The following CYP2A7 variants were observed in gnomAD, a reference collection of about 807,000 sequenced individuals.
CYP2A7 encodes the protein cytochrome P450 family 2 subfamily A member 7.
A neutral mutation model predicts 42.0 loss-of-function variants in CYP2A7; 36 were observed. That is an observed-to-expected ratio of 0.86 (90% confidence interval 0.66 to 1.13). CYP2A7 has a LOEUF of 1.13. Among genes scored for constraint, CYP2A7 ranks in the 50% most tolerant of loss-of-function variants. The probability of loss-of-function intolerance (pLI) is 0.00; values close to 1 mark genes in which losing one functional copy is unlikely to be tolerated. For missense variants in CYP2A7, 661 were observed against 634.1 expected, an observed-to-expected ratio of 1.04 and a Z score of -0.46; for synonymous variants, 260 against 249.5, an observed-to-expected ratio of 1.04 and a Z score of -0.40.
chr19:40,877,647 T>A (rs1967567937), intron 6 of CYP2A7, among the ~76,000 whole-genome samples: 1 of 151,408 alleles, frequency 6.6e-6, no homozygotes, highest in African/African-American at 2.4e-5. Flanking sequence ...GGGACAGAAG[T>A]GACTGACCAA....
Position 40,876,642 on chromosome 19 carries a change from G to T in CYP2A7, c.1188C>A (p.Gly396=), listed in dbSNP as rs772953058. The part of the protein sequence containing the change: ...PKGTEVFPML[G]SVLRDPSFFS... ...AGAAGCTGGGGTCTCTCAGCACGGA[G>T]CCCAGCATAGGGAACACTTCGGTGC... Residue 396 remains glycine, a synonymous_variant, in exon 8 of 9, where the codon GGC becomes GGA. Coordinates refer to ENST00000301146, the MANE Select transcript of CYP2A7 (RefSeq NM_000764.3). 6.2e-7 allele frequency: 1 copy of T among 1,612,738 alleles called. No homozygotes were observed. Among genetic ancestry groups the T allele is most frequent in the African/African-American group, 1.3e-5 (1 of 74,862 alleles).
At chr19:40,879,586 C>A (rs1967608665) in intron 4 of CYP2A7, among the ~76,000 whole-genome samples, 3 of 151,640 alleles carry the variant, frequency 2.0e-5, no homozygotes, top group Non-Finnish European at 2.9e-5. Flanking sequence ...GTTAGGGCAG[C>A]TGTCCATGTT....
chr19:40,879,906 A>G (rs1967614372), intron 4 of CYP2A7, among the ~76,000 whole-genome samples, 178 bp downstream of exon 4: 1 of 151,100 alleles, frequency 6.6e-6, no homozygotes. Flanking sequence ...CTGTTGAGCT[A>G]TCCAGGTGTC....
In CYP2A7 at chr19:40,880,126, C is replaced by G. The variant is rs1052619045; in HGVS notation, c.612G>C (p.Met204Ile). 1 of 1,612,920 alleles carries G rather than the reference C, an allele frequency of 6.2e-7. No homozygotes were observed. Among genetic ancestry groups the G allele is most frequent in the South Asian group, 1.1e-5 (1 of 91,028 alleles). ...EDKEFLSLLSMMLGIFQFTST... is the reference protein window; with the variant it reads ...EDKEFLSLLSIMLGIFQFTST... ...ACGTGAACTGGAAGATTCCTAGCATCATGCTCAGCAGTGACAGGAACTCTT... is the reference window on the plus strand; with the variant it reads ...ACGTGAACTGGAAGATTCCTAGCATGATGCTCAGCAGTGACAGGAACTCTT... Residue 204 changes from methionine (M) to isoleucine (I), a missense_variant, in exon 4 of 9, where the codon ATG becomes ATC. Met to Ile is a conservative substitution (Grantham distance 10). Coordinates refer to ENST00000301146, the MANE Select transcript of CYP2A7 (RefSeq NM_000764.3).
At chr19:40,877,529 G>A (rs951200810) in intron 6 of CYP2A7, 152 bp from the exon 7 acceptor site, 1 of 1,248,958 alleles carries the variant, frequency 8.0e-7, no homozygotes, top group African/African-American at 1.5e-5. Context: ...CATTCGCATT[G>A]TTGGAGTAGG....
intron 4 of CYP2A7, among the ~76,000 whole-genome samples, chr19:40,879,448 G>T (rs1325437187): frequency 6.6e-6 from 1 of 151,758 alleles, no homozygotes; most frequent in East Asian, 1.9e-4. Context: ...ACCTGTTGAG[G>T]TGTTTACCTA....
chr19:40,880,837 G>A, intron 2 of CYP2A7, among the ~76,000 whole-genome samples: 1 of 103,496 alleles, frequency 9.7e-6, no homozygotes, highest in Non-Finnish European at 2.2e-5. Context: ...GAGAGAGAGA[G>A]AGAGAGAGAG....
intron 4 of CYP2A7, 113 bp downstream of exon 4, chr19:40,879,971 T>A (rs1434694625): frequency 6.5e-7 from 1 of 1,527,542 alleles, no homozygotes; most frequent in East Asian, 2.3e-5. Flanking sequence ...GGGGGCTGAT[T>A]TTGAGGGGAC....
intron 5 of CYP2A7, 39 bp downstream of exon 5, chr19:40,878,721 C>T: frequency 6.2e-7 from 1 of 1,603,464 alleles, no homozygotes. Flanking sequence ...TTCCCTCTGC[C>T]TGGCTTTGCA....
rs534988246 is a variant in CYP2A7, at chr19:40,881,703, G to C, written c.229C>G (p.Arg77Gly). ...PVFTIHLGPR[R>G]VVVLCGHDAV... ...TCATGTCCACACAGCACCACGACCCGCCGGGGCCCCAAGTGAATGGTGAAC... is the reference window on the plus strand; with the variant it reads ...TCATGTCCACACAGCACCACGACCCCCCGGGGCCCCAAGTGAATGGTGAAC... Residue 77 changes from arginine (R) to glycine (G), a missense_variant, in exon 2 of 9, where the codon CGG becomes GGG. Arg to Gly is a moderately radical substitution (Grantham distance 125). Around this residue, in one of 3 missense-constraint regions of CYP2A7, gnomAD observed 614 missense variants for 552.4 expected, o/e 1.11. Transcript: ENST00000301146. The C allele has an allele frequency of 5.0e-6, 8 of 1,612,206 alleles. No individual in the cohort carries two copies. Among genetic ancestry groups the C allele is most frequent in the Non-Finnish European group, 6.8e-6 (8 of 1,178,954 alleles).
chr19:40,880,250 G>T lies in CYP2A7; in HGVS notation c.494-6C>A, dbSNP rs1234047631. ...GGTGGGATCGATATTGGCGCCTGCG[G>T]GTGTGGAGGGAGAAGGGGGTTGGGG... On this transcript the variant is annotated splice_polypyrimidine_tract_variant and splice_region_variant and intron_variant, in intron 3 of 8. Coordinates refer to ENST00000301146, the MANE Select transcript of CYP2A7 (RefSeq NM_000764.3). The T allele has an allele frequency of 1.9e-6, 3 of 1,612,628 alleles. No homozygotes were observed. Among genetic ancestry groups the T allele is most frequent in the East Asian group, 2.2e-5 (1 of 44,864 alleles).
rs1377709263 is a variant in CYP2A7 at position 40,880,349 on chromosome 19, G to A, written c.494-105C>T. ...GGCCTTGTTGAGCCAAATTCCCAGC[G>A]CCAGACTCCAGGGCTGGAAGTGCGG... is the stretch of plus-strand genomic sequence containing the variant. On this transcript the variant is annotated intron_variant, in intron 3 of 8. Coordinates refer to ENST00000301146, the MANE Select transcript of CYP2A7 (RefSeq NM_000764.3). 7 of 1,543,202 alleles carry A rather than the reference G, an allele frequency of 4.5e-6. No homozygotes were observed. The East Asian group carries it at 1.4e-4, about 30-fold the overall frequency.
rs535491255 is a variant in CYP2A7, at chr19:40,878,397, T to A, written c.831+363A>T. Among the ~76,000 whole-genome samples the A allele has an allele frequency of 1.2e-4, 18 of 151,846 alleles. 1 individual carries two copies. The highest frequency in any genetic ancestry group is 1.1e-3 in the Admixed American group (16 of 15,222). On this transcript the variant is annotated intron_variant, in intron 5 of 8. Transcript: ENST00000301146. ...CTTACTTTTTAAACAATTAATTAATTTTTTTTGAGACAGGGTCTCATTCTG... is the reference window on the plus strand; with the variant it reads ...CTTACTTTTTAAACAATTAATTAATATTTTTTGAGACAGGGTCTCATTCTG...
chr19:40,880,286 C>A, intron 3 of CYP2A7, 42 bp from the exon 4 acceptor site: 1 of 1,608,778 alleles, frequency 6.2e-7, no homozygotes, highest in Non-Finnish European at 8.5e-7. Flanking sequence ...AGAGAGTCAA[C>A]TCAGAGGTCT....
At chr19:40,879,782 G>T (rs999791603) in intron 4 of CYP2A7, among the ~76,000 whole-genome samples, 4 of 151,032 alleles carry the variant, frequency 2.6e-5, no homozygotes, top group African/African-American at 4.8e-5. Flanking sequence ...AGAAGAACTG[G>T]GTAGGGAGCA....
intron 5 of CYP2A7, 47 bp downstream of exon 5, chr19:40,878,713 C>A: frequency 1.3e-6 from 2 of 1,599,662 alleles, no homozygotes; most frequent in Non-Finnish European, 1.7e-6. Context: ...AGTCTGATTT[C>A]CCTCTGCCTG....
rs114025259 is a variant in CYP2A7, at chr19:40,877,916, G to A, written c.909C>T (p.Thr303=). Residue 303 remains threonine, a synonymous_variant, in exon 6 of 9, where the codon ACC becomes ACT. Coordinates refer to ENST00000301146, the MANE Select transcript of CYP2A7 (RefSeq NM_000764.3). ...MSTLNLFIAG[T]ETVSTTLRYG... Reference sequence around the variant, plus strand: ...AGCGCAGGGTGGTGCTGACCGTCTCGGTGCCTGCAATGAAGAGGTTCAACG... The same window carrying A: ...AGCGCAGGGTGGTGCTGACCGTCTCAGTGCCTGCAATGAAGAGGTTCAACG... 1,422 of 1,612,606 alleles carry A rather than the reference G, an allele frequency of 8.8e-4. 23 individuals are homozygous for A. The African/African-American group carries it at 0.017, about 19-fold the overall frequency.
rs377659005 is a variant in CYP2A7, at chr19:40,880,067, G to T, written c.654+17C>A. The T allele has an allele frequency of 4.3e-6, 7 of 1,611,460 alleles. No individual in the cohort carries two copies. Among genetic ancestry groups the T allele is most frequent in the Non-Finnish European group, 5.9e-6 (7 of 1,178,236 alleles). On this transcript the variant is annotated intron_variant, in intron 4 of 8. Transcript: ENST00000301146. Reference sequence around the variant, plus strand: ...GGTTGTGGTAGGGGCGTCACGGGCCGGGCTGCAGCCAGTTACCTGCCCCGT... The same window carrying T: ...GGTTGTGGTAGGGGCGTCACGGGCCTGGCTGCAGCCAGTTACCTGCCCCGT...
At chr19:40,877,034 G>A (rs1216049032) in intron 7 of CYP2A7, 156 bp downstream of exon 7, 6 of 823,218 alleles carry the variant, frequency 7.3e-6, no homozygotes, top group South Asian at 1.8e-5. Flanking sequence ...GAGTGTCTAA[G>A]TGGAAAGGTG....
Sources: gnomAD v4.1 joint callset for allele counts (sites outside exome capture counted in the v4.1 genomes callset) on GRCh38, gnomAD v4.1.1 for gene constraint, gnomAD v4.1.1 regional missense constraint, MANE v1.5 for transcripts, NCBI Gene and HGNC (gene_info 2026-07-23, HGNC 2026-07-21) for gene names.